Variants in IL20RA observed in about 807,000 individuals in gnomAD.
The protein encoded by IL20RA is interleukin 20 receptor subunit alpha.
A neutral mutation model predicts 36.5 loss-of-function variants in IL20RA; 29 were observed. That is an observed-to-expected ratio of 0.79 (90% CI 0.59 to 1.08). IL20RA has a LOEUF of 1.08. Among genes scored for constraint, IL20RA ranks in the 50% least tolerant of loss-of-function variants. The pLI is 0.00. For missense variants in IL20RA, 652 were observed against 668.4 expected (o/e 0.98, Z 0.27); for synonymous variants, 279 against 267.1 (o/e 1.04, Z -0.43).
At chr6:137,021,013 C>A (rs1048903964) in intron 1 of IL20RA, among the ~76,000 whole-genome samples, 1 of 151,284 alleles carries the variant, frequency 6.6e-6, no homozygotes, top group East Asian at 1.9e-4. Flanking sequence ...ACAAAATATT[C>A]CTGTTATGAC....
At chr6:137,028,522 A>G (rs1299230900) in intron 1 of IL20RA, among the ~76,000 whole-genome samples, 3 of 152,038 alleles carry the variant, frequency 2.0e-5, no homozygotes, top group Non-Finnish European at 2.9e-5. Flanking sequence ...TCTGCCAGGT[A>G]CCTGCACATT....
At chr6:137,023,003 C>T (rs1775957764) in intron 1 of IL20RA, among the ~76,000 whole-genome samples, 1 of 152,138 alleles carries the variant, frequency 6.6e-6, no homozygotes, top group South Asian at 2.1e-4. Flanking sequence ...TTAAAGCAAA[C>T]CGGTGGTACT....
intron 6 of IL20RA, among the ~76,000 whole-genome samples, chr6:137,003,662 C>G (rs979700431): frequency 6.6e-6 from 1 of 152,204 alleles, no homozygotes; most frequent in Non-Finnish European, 1.5e-5. Context: ...TATGATGCTC[C>G]TAACCTAAAA....
intron 1 of IL20RA, among the ~76,000 whole-genome samples, chr6:137,021,248 T>C (rs1775893003): frequency 6.6e-6 from 1 of 152,144 alleles, no homozygotes; most frequent in Admixed American, 6.5e-5. Flanking sequence ...TGGTTCTTAC[T>C]ACAGAGAGGT....
chr6:137,044,504 C>G, intron 1 of IL20RA, 137 bp downstream of exon 1: 6 of 950,122 alleles, frequency 6.3e-6, no homozygotes, highest in Non-Finnish European at 8.1e-6. Context: ...CCGGCCTCCG[C>G]GCACCTCGTC....
At chr6:137,039,867 T>G (rs2115429179) in intron 1 of IL20RA, among the ~76,000 whole-genome samples, 1 of 152,140 alleles carries the variant, frequency 6.6e-6, no homozygotes. Context: ...ACAACTAGCA[T>G]GAGGGGGAAC....
At chr6:137,023,224 CCA>C (rs1775967881) in intron 1 of IL20RA, among the ~76,000 whole-genome samples, 2 of 150,654 alleles carry the variant, frequency 1.3e-5, no homozygotes, top group African/African-American at 2.4e-5. Context: ...GTCACAGAAC[CCA>C]TAAATACACA....
In IL20RA at chr6:137,044,791, G is replaced by C. The variant is rs953377427; in HGVS notation, c.-63C>G. On this transcript the variant is annotated 5_prime_UTR_variant, in exon 1 of 7. Transcript: ENST00000316649. ...ACTGCTCAGTCCCACGCCCGCTGGGGCCAAGCGCGGCCGCGCGGCCTCAGC... is the reference window on the plus strand; with the variant it reads ...ACTGCTCAGTCCCACGCCCGCTGGGCCCAAGCGCGGCCGCGCGGCCTCAGC... 26 of 1,200,516 alleles carry C rather than the reference G, an allele frequency of 2.2e-5. No homozygotes were observed. The Admixed American group carries it at 1.1e-3, about 51-fold the overall frequency. The allele number at this position is 1,200,516 out of a possible 1,614,324, so 74.4% of individuals were successfully genotyped here.
chr6:137,044,681 C>A lies in IL20RA; in HGVS notation c.48G>T (p.Pro16=). The A allele has an allele frequency of 1.6e-6, 2 of 1,223,492 alleles. No individual in the cohort carries two copies. Among genetic ancestry groups the A allele is most frequent in the Non-Finnish European group, 2.0e-6 (2 of 983,816 alleles). 75.8% of individuals were successfully genotyped at this position (1,223,492 alleles called of 1,614,324 possible). ...RPALRPLPLP[P]LLLLLLAAPW... The stretch of plus-strand genomic sequence containing the variant: ...GCGCCGCCAGGAGCAACAGCAGCAG[C>A]GGCGGCAGCGGCAGCGGCCGCAGGG... The change falls in exon 1 of 7, where the codon CCG becomes CCT. Residue 16 remains proline (P), a synonymous_variant. Transcript: ENST00000316649.
chr6:137,014,708 C>G (rs1023110171), intron 2 of IL20RA, among the ~76,000 whole-genome samples: 6 of 152,128 alleles, frequency 3.9e-5, no homozygotes, highest in South Asian at 2.1e-4. Flanking sequence ...GTTCCCCCCC[C>G]CTTTTCCACC....
chr6:137,007,009 C>A (rs1482760640), intron 5 of IL20RA, among the ~76,000 whole-genome samples: 1 of 152,170 alleles, frequency 6.6e-6, no homozygotes, highest in African/African-American at 2.4e-5. Context: ...TAGGCGTGAT[C>A]CATTGCACTT....
intron 1 of IL20RA, among the ~76,000 whole-genome samples, chr6:137,034,805 C>T (rs980449908): frequency 5.3e-5 from 8 of 151,882 alleles, no homozygotes; most frequent in Non-Finnish European, 1.0e-4. Context: ...ATGAGCCGGG[C>T]GTGGTGGCGG....
Position 137,044,898 on chromosome 6 carries a change from T to G in IL20RA, c.-170A>C. 1 of 545,362 alleles carries G rather than the reference T, an allele frequency of 1.8e-6. No individual in the cohort carries two copies. The allele number at this position is 545,362 out of a possible 1,614,324, so 33.8% of individuals were successfully genotyped here. ...CCGCCACAGCCGCGTCCCCCAGGCT[T>G]CCCCAGAAACCAAGGGCGAGCGACT... On this transcript the variant is annotated 5_prime_UTR_variant, in exon 1 of 7. Coordinates refer to ENST00000316649, the MANE Select transcript of IL20RA (RefSeq NM_014432.4).
chr6:137,032,149 A>T (rs763531621), intron 1 of IL20RA, among the ~76,000 whole-genome samples: 7 of 152,090 alleles, frequency 4.6e-5, no homozygotes, highest in Non-Finnish European at 7.4e-5. Context: ...GAGAGGAAAA[A>T]GATTGTTGTG....
chr6:137,032,002 A>G (rs1249338697), intron 1 of IL20RA, among the ~76,000 whole-genome samples: 3 of 151,034 alleles, frequency 2.0e-5, no homozygotes, highest in East Asian at 1.9e-4. Flanking sequence ...GTAGTGAGCC[A>G]AGATCGTGCC....
chr6:137,022,965 A>G (rs1037354346), intron 1 of IL20RA, among the ~76,000 whole-genome samples: 9 of 152,198 alleles, frequency 5.9e-5, no homozygotes, highest in African/African-American at 2.2e-4. Flanking sequence ...TCTAGCTTCC[A>G]AAACTGTGAG....
At chr6:137,010,679 G>A (rs1775460910) in intron 3 of IL20RA, among the ~76,000 whole-genome samples, 1 of 152,084 alleles carries the variant, frequency 6.6e-6, no homozygotes, top group African/African-American at 2.4e-5. Context: ...CCTTAATTCT[G>A]GGTTACACTT....
At position 137,000,113 on chromosome 6, in the gene IL20RA, ACT is replaced by A. The variant is rs1203107001; in HGVS notation, c.*1443_*1444del. The A allele has an allele frequency of 6.6e-6, 1 of 152,178 alleles. No individual in the cohort carries two copies. Among genetic ancestry groups the A allele is most frequent in the Non-Finnish European group, 1.5e-5 (1 of 68,028 alleles). The allele number at this position is 152,178 out of a possible 1,614,324, so 9.4% of individuals were successfully genotyped here. On this transcript the variant is annotated 3_prime_UTR_variant, in exon 7 of 7. Coordinates refer to ENST00000316649, the MANE Select transcript of IL20RA (RefSeq NM_014432.4). The stretch of plus-strand genomic sequence containing the variant: ...CTATAAAGATTGAGAATAACAGAAC[ACT>A]CTGATTAATATAATTACTCCCTAAA...
chr6:137,024,947 G>C (rs1776035160), intron 1 of IL20RA, among the ~76,000 whole-genome samples: 1 of 152,210 alleles, frequency 6.6e-6, no homozygotes. Flanking sequence ...TTGAACGATG[G>C]AAGGATATGT....
Sources: gnomAD v4.1 joint callset for allele counts (sites outside exome capture counted in the v4.1 genomes callset) on GRCh38, gnomAD v4.1.1 for gene constraint, MANE v1.5 for transcripts, NCBI Gene and HGNC (gene_info 2026-07-23, HGNC 2026-07-21) for gene names.